BCKDHB: variants seen among roughly 807,000 people sequenced by gnomAD.
BCKDHB encodes the protein 2-oxoisovalerate dehydrogenase subunit beta, mitochondrial.
BCKDHB carries 41 observed loss-of-function variants against 48.5 expected under a neutral mutation model. The observed-to-expected ratio is 0.85, with a 90% CI of 0.66 to 1.10. BCKDHB has a LOEUF of 1.10. BCKDHB is among the 50% of genes least tolerant of loss of function. The pLI, the probability that BCKDHB is intolerant of heterozygous loss-of-function variation, is 0.00. For synonymous variants in BCKDHB, 201 were observed against 174.8 expected, an observed-to-expected ratio of 1.15 and a Z score of -1.18; for missense variants, 496 against 494.2, an observed-to-expected ratio of 1.00 and a Z score of -0.03.
chr6:80,349,507 A>G (rs561156483), downstream of BCKDHB, among the ~76,000 whole-genome samples: 1 of 152,360 alleles, frequency 6.6e-6, no homozygotes, highest in South Asian at 2.1e-4. Flanking sequence ...TTCCCTAATT[A>G]ATAAGAAAGA....
At chr6:80,198,786 CA>C (rs1390998908) in intron 6 of BCKDHB, among the ~76,000 whole-genome samples, 1 of 152,048 alleles carries the variant, frequency 6.6e-6, no homozygotes, top group African/African-American at 2.4e-5. Flanking sequence ...GATATGGAAT[CA>C]GTTCTTAGTT....
chr6:80,123,847 C>T (rs1019137854), intron 1 of BCKDHB, among the ~76,000 whole-genome samples: 4 of 152,096 alleles, frequency 2.6e-5, no homozygotes, highest in Non-Finnish European at 4.4e-5. Flanking sequence ...AAACCAGCTC[C>T]TGGATTCATT....
At chr6:80,142,458 C>G (rs1192606131) in intron 3 of BCKDHB, among the ~76,000 whole-genome samples, 1 of 151,942 alleles carries the variant, frequency 6.6e-6, no homozygotes, top group Non-Finnish European at 1.5e-5. Context: ...CTATTAAGTA[C>G]TATAGCTATA....
the BCKDHB span, among the ~76,000 whole-genome samples, chr6:80,445,595 G>A: frequency 2.0e-4 from 30 of 152,214 alleles, no homozygotes; most frequent in African/African-American, 3.4e-4. Context: ...CATAGAATGC[G>A]TAACCTGGTG....
chr6:80,176,264 G>A (rs369092600), intron 6 of BCKDHB, among the ~76,000 whole-genome samples: 1 of 152,162 alleles, frequency 6.6e-6, no homozygotes, highest in East Asian at 1.9e-4. Context: ...TAGATAACCT[G>A]AAATAAATGG....
intron 3 of BCKDHB, among the ~76,000 whole-genome samples, chr6:80,161,676 T>C (rs1045481998): frequency 7.9e-5 from 12 of 152,200 alleles, no homozygotes; most frequent in Non-Finnish European, 1.6e-4. Flanking sequence ...TTTTCAATAT[T>C]CTGGCTTCTC....
At chr6:80,266,657 A>T (rs927005384) in intron 8 of BCKDHB, among the ~76,000 whole-genome samples, 1 of 152,040 alleles carries the variant, frequency 6.6e-6, no homozygotes, top group African/African-American at 2.4e-5. Context: ...AATAGGAAAA[A>T]ATAGGTGGAG....
the BCKDHB span, chr6:80,356,533 A>G: frequency 6.6e-6 from 1 of 152,224 alleles, no homozygotes; most frequent in East Asian, 1.9e-4. Context: ...TTATGTGTGT[A>G]TTATGATTAA....
chr6:80,458,352 G>A, the BCKDHB span, among the ~76,000 whole-genome samples: 3 of 152,316 alleles, frequency 2.0e-5, no homozygotes, highest in East Asian at 3.9e-4. Context: ...GGGAATCTGG[G>A]CACATGACAG....
chr6:80,184,182 C>G (rs529621585), intron 6 of BCKDHB, among the ~76,000 whole-genome samples: 1 of 152,178 alleles, frequency 6.6e-6, no homozygotes, highest in South Asian at 2.1e-4. Flanking sequence ...TGGAGTAGTC[C>G]TTTTATCATT....
At chr6:80,380,429 A>C in the BCKDHB span, among the ~76,000 whole-genome samples, 1 of 152,042 alleles carries the variant, frequency 6.6e-6, no homozygotes, top group Non-Finnish European at 1.5e-5. Context: ...ATATAAAAAA[A>C]TTAACTCAAG....
At chr6:80,212,199 C>A (rs1330365397) in intron 8 of BCKDHB, among the ~76,000 whole-genome samples, 1 of 152,080 alleles carries the variant, frequency 6.6e-6, no homozygotes, top group Non-Finnish European at 1.5e-5. Context: ...CACAAATTTA[C>A]CAGGGCGGAG....
At chr6:80,198,874 T>C (rs377692500) in intron 6 of BCKDHB, among the ~76,000 whole-genome samples, 11 of 152,350 alleles carry the variant, frequency 7.2e-5, no homozygotes, top group African/African-American at 2.6e-4. Flanking sequence ...CACAGATTTC[T>C]GGAGTCCTTG....
At chr6:80,355,361 C>G in the BCKDHB span, 4 of 129,912 alleles carry the variant, frequency 3.1e-5, no homozygotes, top group African/African-American at 1.2e-4. Context: ...GATCGTGCCA[C>G]TGCACTCCAG....
At chr6:80,227,743 T>C (rs1435714687) in intron 8 of BCKDHB, among the ~76,000 whole-genome samples, 2 of 152,146 alleles carry the variant, frequency 1.3e-5, no homozygotes, top group African/African-American at 4.8e-5. Flanking sequence ...CTGAAAGTGT[T>C]GAGCTTGAGG....
the BCKDHB span, among the ~76,000 whole-genome samples, chr6:80,368,185 A>T: frequency 6.6e-6 from 1 of 152,144 alleles, no homozygotes; most frequent in Non-Finnish European, 1.5e-5. Context: ...CAGCCTCTGA[A>T]TATCCAACTG....
At chr6:80,437,249 A>G in the BCKDHB span, among the ~76,000 whole-genome samples, 8 of 152,252 alleles carry the variant, frequency 5.3e-5, no homozygotes, top group African/African-American at 1.9e-4. Context: ...GGTTAAAACA[A>G]TAGTTTAAGA....
At chr6:80,284,277 C>T (rs1766519757) in intron 9 of BCKDHB, among the ~76,000 whole-genome samples, 1 of 152,052 alleles carries the variant, frequency 6.6e-6, no homozygotes, top group Non-Finnish European at 1.5e-5. Flanking sequence ...TGAAGTTAAA[C>T]ACTTGTGAAA....
intron 3 of BCKDHB, among the ~76,000 whole-genome samples, chr6:80,134,486 G>A (rs773631394): frequency 1.2e-4 from 19 of 152,124 alleles, no homozygotes; most frequent in Admixed American, 2.6e-4. Flanking sequence ...TTGACTTTGG[G>A]CCTCAGTATC....
Sources: gnomAD v4.1 joint callset for allele counts (sites outside exome capture counted in the v4.1 genomes callset) on GRCh38, gnomAD v4.1.1 for gene constraint, MANE v1.5 for transcripts, NCBI Gene and HGNC (gene_info 2026-07-23, HGNC 2026-07-21) for gene names.